Variants in SUPT3H observed in about 807,000 individuals in gnomAD.
The protein encoded by SUPT3H is transcription initiation protein SPT3 homolog.
A neutral mutation model predicts 44.3 loss-of-function variants in SUPT3H; 44 were observed. The ratio of observed to expected loss-of-function variants is 0.99; its 90% CI spans 0.78 to 1.28. The LOEUF (loss-of-function observed/expected upper bound fraction) is 1.28. Among genes scored for constraint, SUPT3H ranks in the 50% most tolerant of loss-of-function variants. The probability of loss-of-function intolerance (pLI) is 0.00; values close to 1 mark genes in which losing one functional copy is unlikely to be tolerated. For missense variants in SUPT3H, 380 were observed against 387.1 expected, an observed-to-expected ratio of 0.98 and a Z score of 0.15; for synonymous variants, 124 against 125.6, an observed-to-expected ratio of 0.99 and a Z score of 0.09.
chr6:45,255,806 C>T (rs1473990165), intron 2 of SUPT3H, among the ~76,000 whole-genome samples: 1 of 152,152 alleles, frequency 6.6e-6, no homozygotes, highest in Non-Finnish European at 1.5e-5. Context: ...CATTCAATGG[C>T]TTTTAATATA....
rs953619698 is a variant in SUPT3H at position 45,240,294 on chromosome 6, G to A, written c.101+124907C>T. On this transcript the variant is annotated intron_variant, in intron 2 of 10. Transcript: ENST00000371459. ...AGGAAAGCGGACAACCTGTCACAAC[G>A]AGTAATTTAATGATAGCTATGATAG... is the stretch of plus-strand genomic sequence containing the variant. 1.8e-4 allele frequency among the ~76,000 whole-genome samples: 27 copies of A among 152,114 alleles called. 1 individual carries two copies. Among genetic ancestry groups the A allele is most frequent in the Admixed American group, 8.5e-4 (13 of 15,266 alleles).
At chr6:44,819,162 G>A (rs1251602676) in intron 11 of SUPT3H, among the ~76,000 whole-genome samples, 1 of 152,014 alleles carries the variant, frequency 6.6e-6, no homozygotes, top group Non-Finnish European at 1.5e-5. Context: ...ACTAACACAC[G>A]AAACAAGATG....
chr6:45,328,130 A>C (rs1786685113), intron 2 of SUPT3H: 1 of 445,010 alleles, frequency 2.2e-6, no homozygotes, highest in Admixed American at 3.8e-5. Flanking sequence ...GGATGCCAGG[A>C]AAGGCCTTAC....
chr6:44,987,979 G>A (rs55893720), intron 6 of SUPT3H, among the ~76,000 whole-genome samples: 1 of 151,808 alleles, frequency 6.6e-6, no homozygotes, highest in Non-Finnish European at 1.5e-5. Flanking sequence ...AGCGCCAAGG[G>A]TATTTGAGAT....
intron 2 of SUPT3H, among the ~76,000 whole-genome samples, chr6:45,273,034 C>G (rs1776455354): frequency 6.6e-6 from 1 of 152,114 alleles, no homozygotes; most frequent in Non-Finnish European, 1.5e-5. Context: ...GATCTTGAGC[C>G]CATTTGTTTG....
At chr6:45,117,969 G>A in intron 2 of SUPT3H, among the ~76,000 whole-genome samples, 1 of 151,994 alleles carries the variant, frequency 6.6e-6, no homozygotes, top group East Asian at 1.9e-4. Context: ...GAAGAAATGT[G>A]TTTTCAGTTT....
intron 9 of SUPT3H, among the ~76,000 whole-genome samples, chr6:44,939,405 T>C (rs1772030175): frequency 6.6e-6 from 1 of 152,098 alleles, no homozygotes; most frequent in Non-Finnish European, 1.5e-5. Flanking sequence ...GTATCCCTGG[T>C]ATAAAACTCA....
chr6:45,188,978 G>GT (rs942824773), intron 2 of SUPT3H, among the ~76,000 whole-genome samples: 5 of 151,728 alleles, frequency 3.3e-5, no homozygotes, highest in Non-Finnish European at 5.9e-5. Context: ...GTTTTGTTTT[G>GT]TTTTTTTGCT....
intron 2 of SUPT3H, among the ~76,000 whole-genome samples, chr6:45,251,820 TGTCA>T (rs1772421519): frequency 6.6e-6 from 1 of 152,176 alleles, no homozygotes; most frequent in Non-Finnish European, 1.5e-5. Flanking sequence ...TGATGATAAA[TGTCA>T]GTATTTCTTC....
chr6:44,940,182 A>T (rs772868368), intron 9 of SUPT3H, among the ~76,000 whole-genome samples: 15 of 152,042 alleles, frequency 9.9e-5, no homozygotes, highest in Non-Finnish European at 1.6e-4. Context: ...ATAGGCATTT[A>T]ATGCTACAAA....
Position 44,956,569 on chromosome 6 carries a change from C to T in SUPT3H, c.581-1962G>A, listed in dbSNP as rs182033645. Among the ~76,000 whole-genome samples, 381 of 149,540 alleles carry T rather than the reference C, an allele frequency of 2.5e-3. 1 individual carries two copies. The highest frequency in any genetic ancestry group is 6.8e-3 in the South Asian group (32 of 4,688). On this transcript the variant is annotated intron_variant, in intron 7 of 10. Transcript: ENST00000371459. ...GTAAATTTAAAGTTAAATAAACTGA[C>T]ATCTGGTCTAATCTAAGCCTGTGGT...
intron 2 of SUPT3H, among the ~76,000 whole-genome samples, chr6:45,308,610 G>A (rs1300699092): frequency 2.6e-5 from 4 of 152,262 alleles, no homozygotes; most frequent in East Asian, 3.9e-4. Context: ...GGGGAGGGAG[G>A]AGGGAAAGCA....
At chr6:45,110,839 G>T (rs1003988089) in intron 2 of SUPT3H, among the ~76,000 whole-genome samples, 1 of 152,136 alleles carries the variant, frequency 6.6e-6, no homozygotes, top group African/African-American at 2.4e-5. Context: ...GTGAAAGGCA[G>T]TCAACTCCAA....
At chr6:45,221,124 C>T (rs1765973790) in intron 2 of SUPT3H, among the ~76,000 whole-genome samples, 1 of 152,076 alleles carries the variant, frequency 6.6e-6, no homozygotes, top group Admixed American at 6.5e-5. Context: ...ATCACAAGGA[C>T]AGAAAACCAA....
At chr6:45,030,642 C>T (rs1222172887) in intron 3 of SUPT3H, among the ~76,000 whole-genome samples, 2 of 152,072 alleles carry the variant, frequency 1.3e-5, no homozygotes, top group Non-Finnish European at 2.9e-5. Context: ...CACCAGACCA[C>T]ACACAGGCCA....
At chr6:45,043,170 C>CACACAT (rs1554218892) in intron 3 of SUPT3H, among the ~76,000 whole-genome samples, 1 of 148,074 alleles carries the variant, frequency 6.8e-6, no homozygotes, top group African/African-American at 2.5e-5. Flanking sequence ...CACACACACA[C>CACACAT]GCACACACAC....
intron 10 of SUPT3H, among the ~76,000 whole-genome samples, chr6:44,878,297 A>G (rs1181694772): frequency 2.0e-5 from 3 of 152,218 alleles, no homozygotes; most frequent in Non-Finnish European, 4.4e-5. Context: ...ATCAAATGTG[A>G]TGCTTATGAT....
chr6:45,341,469 T>C (rs73735378), intron 2 of SUPT3H, among the ~76,000 whole-genome samples: 23,352 of 152,136 alleles, frequency 0.15, 2,026 homozygotes, highest in East Asian at 0.26. Flanking sequence ...CTACATGAGG[T>C]AGGATCACAC....
chr6:45,051,946 C>T (rs1172137246), intron 3 of SUPT3H, among the ~76,000 whole-genome samples: 4 of 152,020 alleles, frequency 2.6e-5, no homozygotes, highest in Non-Finnish European at 1.5e-5. Context: ...AGGACAGTGC[C>T]ATTGGAGAGA....
Sources: allele counts gnomAD v4.1 joint callset (sites outside exome capture counted in the v4.1 genomes callset), GRCh38; gene constraint gnomAD v4.1.1; transcripts MANE v1.5; gene names NCBI Gene and HGNC (gene_info 2026-07-23, HGNC 2026-07-21).